CACNA1E: variants seen among roughly 807,000 people sequenced by gnomAD.
CACNA1E encodes the protein voltage-dependent R-type calcium channel subunit alpha-1E.
Under a neutral mutation model 259.2 loss-of-function variants are expected in CACNA1E, and 40 were observed. The ratio of observed to expected loss-of-function variants is 0.15; its 90% CI spans 0.12 to 0.20. The LOEUF is 0.20. CACNA1E is among the 10% of genes least tolerant of loss of function. The pLI is 1.00. For synonymous variants in CACNA1E, 1,104 were observed against 1,138.5 expected (o/e 0.97, Z 0.61); for missense variants, 1,874 against 3,040.1 (o/e 0.62, Z 9.02).
chr1:181,508,938 G>A (rs576960119), intron 1 of CACNA1E, among the ~76,000 whole-genome samples: 27 of 152,226 alleles, frequency 1.8e-4, no homozygotes, highest in South Asian at 1.7e-3. Flanking sequence ...TTTAGTTCCG[G>A]TGGCTGAACC....
intron 2 of CACNA1E, among the ~76,000 whole-genome samples, chr1:181,511,059 A>G (rs1666124365): frequency 6.6e-6 from 1 of 152,220 alleles, no homozygotes; most frequent in Admixed American, 6.5e-5. Flanking sequence ...TCAAGCTTCT[A>G]ACTTATGTGA....
chr1:181,346,156 C>T (rs921194222), intron 1 of CACNA1E, among the ~76,000 whole-genome samples: 7 of 152,218 alleles, frequency 4.6e-5, no homozygotes, highest in Admixed American at 4.6e-4. Context: ...CTCTGGAGGG[C>T]ACCCACACCA....
chr1:181,429,784 A>G (rs1161350116), intron 2 of CACNA1E, among the ~76,000 whole-genome samples: 1 of 152,238 alleles, frequency 6.6e-6, no homozygotes, highest in Non-Finnish European at 1.5e-5. Context: ...TTTAAAAAAT[A>G]TGGGTGTCTA....
At chr1:181,425,392 C>T (rs1659092032) in intron 2 of CACNA1E, among the ~76,000 whole-genome samples, 4 of 152,136 alleles carry the variant, frequency 2.6e-5, no homozygotes, top group Admixed American at 2.6e-4. Context: ...AGGCGTTTTC[C>T]TCTTGGATGT....
chr1:181,357,243 C>T (rs1179096130), intron 1 of CACNA1E, among the ~76,000 whole-genome samples: 1 of 152,204 alleles, frequency 6.6e-6, no homozygotes, highest in Admixed American at 6.5e-5. Context: ...TTCCTCCCCT[C>T]CAGCGGAGGT....
At chr1:181,762,865 G>T (rs1558360036) in intron 33 of CACNA1E, among the ~76,000 whole-genome samples, 2 of 152,196 alleles carry the variant, frequency 1.3e-5, no homozygotes, top group East Asian at 3.9e-4. Flanking sequence ...TTGTTGATTT[G>T]CCTGACTCAG....
intron 1 of CACNA1E, among the ~76,000 whole-genome samples, chr1:181,364,580 T>C (rs747273158): frequency 6.6e-6 from 1 of 152,164 alleles, no homozygotes; most frequent in Non-Finnish European, 1.5e-5. Context: ...ACACAGGGGT[T>C]GAATTGCAGG....
chr1:181,750,936 G>A (rs761484588), intron 26 of CACNA1E, among the ~76,000 whole-genome samples: 4 of 151,584 alleles, frequency 2.6e-5, no homozygotes, highest in African/African-American at 4.9e-5. Flanking sequence ...TTTTGGCCTC[G>A]TTTTCTGTGA....
chr1:181,795,070 C>G lies in CACNA1E; in HGVS notation c.6208+26C>G, dbSNP rs1558402579. ...GTGAGGAGGTCTTCAGTGTCCAGCT[C>G]TTTCATCAGGCAGTGGGCTCCTGCC... is the stretch of plus-strand genomic sequence containing the variant. On this transcript the variant is annotated intron_variant, in intron 46 of 47. Coordinates refer to ENST00000367573, the MANE Select transcript of CACNA1E (RefSeq NM_001205293.3). The G allele has an allele frequency of 1.9e-6, 3 of 1,600,976 alleles. No homozygotes were observed. The South Asian group carries it at 3.4e-5, about 18-fold the overall frequency.
chr1:181,554,448 C>T (rs1041637289), intron 3 of CACNA1E, among the ~76,000 whole-genome samples: 1 of 152,102 alleles, frequency 6.6e-6, no homozygotes, highest in African/African-American at 2.4e-5. Context: ...TGCTGAAATC[C>T]AGGGTACCAT....
Position 181,786,146 on chromosome 1 carries a change from C to T in CACNA1E, c.5786+327C>T, listed in dbSNP as rs377141434. 3.9e-5 allele frequency among the ~76,000 whole-genome samples: 6 copies of T among 152,130 alleles called. No homozygotes were observed. The East Asian group carries it at 9.6e-4, about 24-fold the overall frequency. On this transcript the variant is annotated intron_variant, in intron 43 of 47. Coordinates refer to ENST00000367573, the MANE Select transcript of CACNA1E (RefSeq NM_001205293.3). ...AGAACTACAACTAATTCTTGATTAT[C>T]GCTTCCCCGTGGATCTAGTGTCCTG...
chr1:181,608,655 A>AC (rs1558180608), intron 6 of CACNA1E, among the ~76,000 whole-genome samples: 1 of 151,982 alleles, frequency 6.6e-6, no homozygotes, highest in African/African-American at 2.4e-5. Flanking sequence ...TCTACAGGAG[A>AC]CCCCAGGGCA....
chr1:181,551,969 C>G (rs1431370674), intron 3 of CACNA1E, among the ~76,000 whole-genome samples: 1 of 152,112 alleles, frequency 6.6e-6, no homozygotes, highest in African/African-American at 2.4e-5. Flanking sequence ...TCAAGTTATG[C>G]CAAGAAGGAA....
At chr1:181,474,864 A>G (rs1662741952) in intron 2 of CACNA1E, among the ~76,000 whole-genome samples, 1 of 152,204 alleles carries the variant, frequency 6.6e-6, no homozygotes, top group Admixed American at 6.5e-5. Context: ...TTAATGATTG[A>G]TAAGATGGTG....
At chr1:181,490,644 CTTTTGCTGCAT>C (rs1186538226) in intron 1 of CACNA1E, among the ~76,000 whole-genome samples, 4 of 148,016 alleles carry the variant, frequency 2.7e-5, no homozygotes, top group South Asian at 4.3e-4. Context: ...TGCATTTTGT[CTTTTGCTGCAT>C]TTTTGCTGCA....
chr1:181,701,788 A>G (rs1309312583), intron 7 of CACNA1E, among the ~76,000 whole-genome samples: 1 of 152,142 alleles, frequency 6.6e-6, no homozygotes, highest in African/African-American at 2.4e-5. Context: ...TGATCATCCC[A>G]CTTATGGGAG....
At chr1:181,711,731 G>A (rs1028786621) in intron 8 of CACNA1E, among the ~76,000 whole-genome samples, 9 of 152,114 alleles carry the variant, frequency 5.9e-5, no homozygotes, top group Non-Finnish European at 1.2e-4. Flanking sequence ...GTATTTCAGC[G>A]CCAAGTACCT....
At chr1:181,379,652 T>C (rs1655327941) in intron 1 of CACNA1E, among the ~76,000 whole-genome samples, 1 of 152,152 alleles carries the variant, frequency 6.6e-6, no homozygotes, top group African/African-American at 2.4e-5. Flanking sequence ...GCTAGCTAGC[T>C]CTCTGGGATC....
chr1:181,450,258 G>A (rs113907313), intron 2 of CACNA1E, among the ~76,000 whole-genome samples: 108 of 152,312 alleles, frequency 7.1e-4, no homozygotes, highest in African/African-American at 2.5e-3. Flanking sequence ...CCCAACATTG[G>A]GGATTACAAT....
Sources: gnomAD v4.1 joint callset for allele counts (sites outside exome capture counted in the v4.1 genomes callset) on GRCh38, gnomAD v4.1.1 for gene constraint, MANE v1.5 for transcripts, NCBI Gene and HGNC (gene_info 2026-07-23, HGNC 2026-07-21) for gene names.